The following MBP variants were observed in gnomAD, a reference collection of about 807,000 sequenced individuals.
MBP encodes myelin basic protein.
In MBP, 16 loss-of-function variants were observed where a neutral mutation model predicts 35.8. The observed-to-expected ratio is 0.45, with a 90% CI of 0.30 to 0.68. The LOEUF (loss-of-function observed/expected upper bound fraction) is 0.68, where lower values mean the gene tolerates loss of function less well. MBP is among the 30% of genes least tolerant of loss of function. MBP has a pLI of 0.08. For missense variants in MBP, 380 were observed against 404.7 expected (o/e 0.94, Z 0.52); for synonymous variants, 143 against 159.6 (o/e 0.90, Z 0.78).
At chr18:77,065,075 G>A (rs1974138992) in intron 3 of MBP, among the ~76,000 whole-genome samples, 1 of 152,154 alleles carries the variant, frequency 6.6e-6, no homozygotes, top group Non-Finnish European at 1.5e-5. Context: ...CCTCAAATGA[G>A]AACATGGTCA....
chr18:77,059,062 C>T (rs1412241941), intron 3 of MBP, among the ~76,000 whole-genome samples: 2 of 152,018 alleles, frequency 1.3e-5, no homozygotes, highest in Admixed American at 6.6e-5. Flanking sequence ...AGCACGAGTT[C>T]GGGGAAAATA....
chr18:77,098,454 TG>T (rs1212507073), intron 2 of MBP, among the ~76,000 whole-genome samples: 5 of 152,156 alleles, frequency 3.3e-5, no homozygotes, highest in African/African-American at 1.2e-4. Flanking sequence ...ATTTTTAATA[TG>T]TGTGTGTGGG....
In MBP at chr18:77,077,851, C is replaced by T. The variant is rs973390488; in HGVS notation, c.52-11466G>A. On this transcript the variant is annotated intron_variant, in intron 2 of 8. Transcript: ENST00000355994. ...TAGAATCTAAACTTAACCAGGATCA[C>T]CAAGGGAGGATTGCTATTTTAATTC... Among the ~76,000 whole-genome samples the T allele has an allele frequency of 2.6e-5, 4 of 152,360 alleles. No homozygotes were observed. The South Asian group carries it at 8.3e-4, about 32-fold the overall frequency.
intron 3 of MBP, among the ~76,000 whole-genome samples, chr18:77,050,696 C>A (rs568458641): frequency 6.6e-6 from 1 of 152,158 alleles, no homozygotes; most frequent in African/African-American, 2.4e-5. Flanking sequence ...ATAGGACGTG[C>A]CATCACGCCC....
chr18:77,073,937 G>C (rs545232998), intron 2 of MBP, among the ~76,000 whole-genome samples: 4 of 148,674 alleles, frequency 2.7e-5, no homozygotes, highest in African/African-American at 7.3e-5. Flanking sequence ...TATCGGAAAC[G>C]AAATGAGATA....
At chr18:77,021,863 G>A (rs1490885094) in intron 3 of MBP, among the ~76,000 whole-genome samples, 6 of 152,032 alleles carry the variant, frequency 3.9e-5, no homozygotes, top group Admixed American at 2.0e-4. Flanking sequence ...CGGGGTCTTT[G>A]GCCAACTGCA....
At chr18:76,997,740 T>G (rs1355989782) in intron 4 of MBP, among the ~76,000 whole-genome samples, 5 of 150,698 alleles carry the variant, frequency 3.3e-5, no homozygotes, top group African/African-American at 7.3e-5. Context: ...TGGAGTGCAG[T>G]GGCGCGACCT....
At chr18:77,007,398 G>A (rs542630817) in intron 4 of MBP, among the ~76,000 whole-genome samples, 1 of 152,300 alleles carries the variant, frequency 6.6e-6, no homozygotes, top group South Asian at 2.1e-4. Flanking sequence ...TCTCAGACCA[G>A]CCCGCCTGCA....
chr18:77,097,537 C>CA (rs1425292176), intron 2 of MBP: 2 of 152,304 alleles, frequency 1.3e-5, no homozygotes, highest in Non-Finnish European at 2.9e-5. Context: ...CCTCGGGAGA[C>CA]AGAGTCTCAG....
At chr18:77,033,713 A>G (rs1972627726) in intron 3 of MBP, among the ~76,000 whole-genome samples, 1 of 150,870 alleles carries the variant, frequency 6.6e-6, no homozygotes, top group African/African-American at 2.4e-5. Flanking sequence ...CCATCCATTC[A>G]CCCAGCATCT....
intron 2 of MBP, among the ~76,000 whole-genome samples, chr18:77,068,119 C>T (rs1414026140): frequency 1.3e-5 from 2 of 152,058 alleles, no homozygotes; most frequent in East Asian, 3.8e-4. Flanking sequence ...CCAATGTTTA[C>T]GGCATTGTTT....
At chr18:77,099,552 T>C (rs917017366) in intron 2 of MBP, among the ~76,000 whole-genome samples, 1 of 152,232 alleles carries the variant, frequency 6.6e-6, no homozygotes, top group African/African-American at 2.4e-5. Context: ...AGACTGACGC[T>C]CCCACGCAAG....
chr18:77,038,682 T>A (rs187162357), intron 3 of MBP, among the ~76,000 whole-genome samples: 1 of 152,376 alleles, frequency 6.6e-6, no homozygotes, highest in Admixed American at 6.5e-5. Context: ...TCTGTGCATG[T>A]ATGTTTATAT....
chr18:77,065,403 TC>T (rs1250886546), intron 3 of MBP, among the ~76,000 whole-genome samples: 1 of 152,090 alleles, frequency 6.6e-6, no homozygotes, highest in East Asian at 1.9e-4. Flanking sequence ...AGGTCTCTGC[TC>T]CTAGTTACAT....
At chr18:77,072,434 G>A (rs370708539) in intron 2 of MBP, among the ~76,000 whole-genome samples, 2 of 152,202 alleles carry the variant, frequency 1.3e-5, no homozygotes, top group East Asian at 1.9e-4. Flanking sequence ...TCGCATGACA[G>A]CCAAGACCTC....
chr18:77,069,586 A>G (rs56163149), intron 2 of MBP, among the ~76,000 whole-genome samples: 15,586 of 152,196 alleles, frequency 0.1, 1,573 homozygotes, highest in African/African-American at 0.25. Context: ...ACAATGCCGC[A>G]TCTTAGAAAT....
At chr18:77,011,503 T>C (rs470929) in intron 4 of MBP, among the ~76,000 whole-genome samples, 97,356 of 152,150 alleles carry the variant, frequency 0.64, 32,317 homozygotes, top group African/African-American at 0.83. Flanking sequence ...ACTGACTCCC[T>C]GTCTACTCAT....
chr18:77,119,561 G>A (rs1309694402), intron 1 of MBP, among the ~76,000 whole-genome samples: 3 of 152,168 alleles, frequency 2.0e-5, no homozygotes, highest in Non-Finnish European at 4.4e-5. Context: ...AAGTGGATGA[G>A]AGAATGGCAA....
chr18:76,985,086 C>G, intron 7 of MBP, 192 bp from the exon 8 acceptor site: 1 of 1,516,620 alleles, frequency 6.6e-7, no homozygotes, highest in Non-Finnish European at 8.9e-7. Context: ...CCAGGTCTAC[C>G]AGGGTGTTGG....
Sources: gnomAD v4.1 joint callset for allele counts (sites outside exome capture counted in the v4.1 genomes callset) on GRCh38, gnomAD v4.1.1 for gene constraint, MANE v1.5 for transcripts, NCBI Gene and HGNC (gene_info 2026-07-23, HGNC 2026-07-21) for gene names.